Variants in DSCAM observed in about 807,000 individuals in gnomAD.
The protein encoded by DSCAM is cell adhesion molecule DSCAM.
DSCAM carries 47 observed loss-of-function variants against 217.7 expected under a neutral mutation model. That is an observed-to-expected ratio of 0.22 (90% CI 0.17 to 0.28). The LOEUF (loss-of-function observed/expected upper bound fraction) is 0.28. DSCAM is among the 10% of genes least tolerant of loss of function. The pLI is 1.00. For missense variants in DSCAM, 2,080 were observed against 2,618.3 expected, an observed-to-expected ratio of 0.79 and a Z score of 4.49; for synonymous variants, 1,056 against 1,015.3, an observed-to-expected ratio of 1.04 and a Z score of -0.76.
chr21:40,304,928 C>T (rs2074055439), intron 9 of DSCAM, among the ~76,000 whole-genome samples: 1 of 151,996 alleles, frequency 6.6e-6, no homozygotes, highest in African/African-American at 2.4e-5. Context: ...CCATAACAGA[C>T]ATAATAATAA....
intron 21 of DSCAM, among the ~76,000 whole-genome samples, chr21:40,090,152 C>A (rs1470290234): frequency 6.6e-6 from 1 of 152,200 alleles, no homozygotes; most frequent in Non-Finnish European, 1.5e-5. Flanking sequence ...CTCCTCTAAA[C>A]CTCAGTGCTG....
chr21:40,395,704 TA>T (rs1411657200), intron 3 of DSCAM, among the ~76,000 whole-genome samples: 1 of 152,208 alleles, frequency 6.6e-6, no homozygotes, highest in Non-Finnish European at 1.5e-5. Context: ...AGCAATTTTA[TA>T]AAAAAGAATC....
chr21:40,472,366 A>G lies in DSCAM; in HGVS notation c.509-103121T>C, dbSNP rs551486486. ...ACTGAATCAAATTTTAAATTCACTAATAACTATTGAAAGCAATCCAGAAGC... is the reference window on the plus strand; with the variant it reads ...ACTGAATCAAATTTTAAATTCACTAGTAACTATTGAAAGCAATCCAGAAGC... On this transcript the variant is annotated intron_variant, in intron 3 of 32. Transcript: ENST00000400454. Among the ~76,000 whole-genome samples the G allele has an allele frequency of 7.2e-5, 11 of 152,358 alleles. 1 individual carries two copies. In the South Asian group the frequency reaches 1.9e-3, roughly 26 times the overall value.
chr21:40,020,710 C>T (rs1436901536), intron 32 of DSCAM, among the ~76,000 whole-genome samples: 1 of 152,212 alleles, frequency 6.6e-6, no homozygotes, highest in Non-Finnish European at 1.5e-5. Context: ...TCCTTCTGCC[C>T]TGCTCACCTA....
At chr21:40,541,005 C>T (rs1391992016) in intron 3 of DSCAM, among the ~76,000 whole-genome samples, 1 of 151,760 alleles carries the variant, frequency 6.6e-6, no homozygotes, top group Non-Finnish European at 1.5e-5. Flanking sequence ...GCTGGGACTA[C>T]AGGTGCATAT....
intron 3 of DSCAM, among the ~76,000 whole-genome samples, chr21:40,380,330 TA>T (rs2075007400): frequency 6.6e-6 from 1 of 152,206 alleles, no homozygotes; most frequent in Non-Finnish European, 1.5e-5. Context: ...CCTTTACTTT[TA>T]AATGAATCAC....
intron 3 of DSCAM, among the ~76,000 whole-genome samples, chr21:40,644,663 T>C (rs750525287): frequency 9.2e-5 from 14 of 152,206 alleles, no homozygotes; most frequent in Non-Finnish European, 2.1e-4. Flanking sequence ...CTAAAGAACA[T>C]TGCATTCGGG....
At chr21:40,658,322 C>T (rs1472674311) in intron 3 of DSCAM, among the ~76,000 whole-genome samples, 1 of 152,236 alleles carries the variant, frequency 6.6e-6, no homozygotes, top group Admixed American at 6.5e-5. Context: ...CTCAGTGGGT[C>T]TGTGAAGACA....
At chr21:40,046,350 T>C (rs913326245) in intron 30 of DSCAM, among the ~76,000 whole-genome samples, 2 of 152,202 alleles carry the variant, frequency 1.3e-5, no homozygotes, top group African/African-American at 4.8e-5. Context: ...TCTTGGTAAA[T>C]ATTCTCTGGG....
chr21:40,591,366 A>C (rs2076983382), intron 3 of DSCAM, among the ~76,000 whole-genome samples: 1 of 152,194 alleles, frequency 6.6e-6, no homozygotes, highest in African/African-American at 2.4e-5. Context: ...AAATTCCCTC[A>C]TCACCATTGC....
At position 40,028,802 on chromosome 21, in the gene DSCAM, C is replaced by T. The variant is rs372758765; in HGVS notation, c.5686+13569G>A. ...TGCCGAGATCACCCGTCTTCTGCGT[C>T]GCTCACGCTGGGAGCTGCAGACCGG... On this transcript the variant is annotated intron_variant, in intron 32 of 32. Coordinates refer to ENST00000400454, the MANE Select transcript of DSCAM (RefSeq NM_001389.5). Among the ~76,000 whole-genome samples, 15 of 152,346 alleles carry T rather than the reference C, an allele frequency of 9.8e-5. No individual in the cohort carries two copies. The East Asian group carries it at 1.5e-3, about 16-fold the overall frequency.
intron 3 of DSCAM, among the ~76,000 whole-genome samples, chr21:40,401,470 C>T (rs1459280999): frequency 1.3e-5 from 2 of 152,102 alleles, no homozygotes; most frequent in Non-Finnish European, 2.9e-5. Flanking sequence ...TAATTGGATC[C>T]CGCAGCCTTG....
intron 3 of DSCAM, among the ~76,000 whole-genome samples, chr21:40,632,713 G>A (rs1028714679): frequency 5.9e-5 from 9 of 152,112 alleles, no homozygotes; most frequent in South Asian, 2.1e-4. Context: ...TCCCTAGGCC[G>A]GTGGCTTTCA....
intron 3 of DSCAM, among the ~76,000 whole-genome samples, chr21:40,682,829 G>A (rs1268000851): frequency 1.3e-5 from 1 of 78,064 alleles, no homozygotes; most frequent in African/African-American, 5.9e-5. Context: ...GGAAGGGAAG[G>A]GAAGGGAAGG....
intron 1 of DSCAM, among the ~76,000 whole-genome samples, chr21:40,762,061 A>G (rs1208033967): frequency 6.6e-6 from 1 of 152,208 alleles, no homozygotes; most frequent in African/African-American, 2.4e-5. Context: ...CTAGAGAAGC[A>G]AGAGCAAACG....
At chr21:40,183,178 T>C (rs2090856375) in intron 14 of DSCAM, among the ~76,000 whole-genome samples, 1 of 151,664 alleles carries the variant, frequency 6.6e-6, no homozygotes, top group East Asian at 1.9e-4. Context: ...AGGAACAGAC[T>C]CTGAAGGGCA....
intron 32 of DSCAM, among the ~76,000 whole-genome samples, chr21:40,025,578 C>T (rs1047536400): frequency 2.7e-5 from 4 of 150,550 alleles, no homozygotes; most frequent in Admixed American, 2.6e-4. Context: ...AGAGATTCAA[C>T]TTCTTCCTGG....
intron 3 of DSCAM, among the ~76,000 whole-genome samples, chr21:40,530,682 A>G (rs77254217): frequency 0.03 from 4,624 of 152,200 alleles, 218 homozygotes; most frequent in African/African-American, 0.1. Context: ...GAATCCACCT[A>G]TGGAATACCA....
intron 3 of DSCAM, among the ~76,000 whole-genome samples, chr21:40,655,982 G>A (rs1213775699): frequency 6.6e-6 from 1 of 152,144 alleles, no homozygotes; most frequent in African/African-American, 2.4e-5. Context: ...AGCCCAGGAG[G>A]TGGAGGTTGC....
Sources: gnomAD v4.1 joint callset for allele counts (sites outside exome capture counted in the v4.1 genomes callset) on GRCh38, gnomAD v4.1.1 for gene constraint, MANE v1.5 for transcripts, NCBI Gene and HGNC (gene_info 2026-07-23, HGNC 2026-07-21) for gene names.